The following WASF2 variants were observed in gnomAD, a reference collection of about 807,000 sequenced individuals.
WASF2 encodes the protein actin-binding protein WASF2.
WASF2 carries 14 observed loss-of-function variants against 45.0 expected under a neutral mutation model. The ratio of observed to expected loss-of-function variants is 0.31; its 90% CI spans 0.21 to 0.49. The LOEUF is 0.49. Ranked by LOEUF, WASF2 falls within the 20% of genes least tolerant of loss-of-function variation. The pLI, the probability that WASF2 is intolerant of heterozygous loss-of-function variation, is 0.99. For missense variants in WASF2, 439 were observed against 636.1 expected (o/e 0.69, Z 3.33); for synonymous variants, 200 against 236.3 (o/e 0.85, Z 1.41).
chr1:27,473,970 A>T (rs2017729709), intron 1 of WASF2, among the ~76,000 whole-genome samples: 1 of 152,144 alleles, frequency 6.6e-6, no homozygotes, highest in Non-Finnish European at 1.5e-5. Flanking sequence ...TTCATCAAAC[A>T]CGAACAATTC....
intron 1 of WASF2, among the ~76,000 whole-genome samples, chr1:27,436,048 C>T (rs968176373): frequency 1.3e-5 from 2 of 152,232 alleles, no homozygotes; most frequent in African/African-American, 2.4e-5. Context: ...TCTGCTTTCA[C>T]TTCAGCGTTT....
intron 1 of WASF2, among the ~76,000 whole-genome samples, chr1:27,459,982 T>C (rs181654634): frequency 3.9e-5 from 6 of 152,306 alleles, no homozygotes; most frequent in Admixed American, 2.6e-4. Context: ...TTACTGCAAA[T>C]AAGTATAACA....
intron 1 of WASF2, among the ~76,000 whole-genome samples, chr1:27,447,908 G>C (rs2148123198): frequency 6.6e-6 from 1 of 152,264 alleles, no homozygotes; most frequent in East Asian, 1.9e-4. Flanking sequence ...AATGCCTACT[G>C]ACCTAAAATT....
chr1:27,486,475 A>T (rs892699451), intron 1 of WASF2, among the ~76,000 whole-genome samples: 3 of 152,228 alleles, frequency 2.0e-5, no homozygotes, highest in Non-Finnish European at 4.4e-5. Context: ...GTGTCTTCAC[A>T]ACTATCACAT....
At chr1:27,477,651 G>A (rs1416264430) in intron 1 of WASF2, among the ~76,000 whole-genome samples, 1 of 104,542 alleles carries the variant, frequency 9.6e-6, no homozygotes, top group Non-Finnish European at 1.8e-5. Context: ...TGTAATCCCA[G>A]CACTTTGGGA....
In WASF2 at chr1:27,409,686, AT is replaced by A; in HGVS notation, c.1339+5del. The A allele has an allele frequency of 6.7e-7, 1 of 1,491,478 alleles. No homozygotes were observed. Among genetic ancestry groups the A allele is most frequent in the Non-Finnish European group, 8.9e-7 (1 of 1,119,890 alleles). 92.4% of individuals were successfully genotyped at this position (1,491,478 alleles called of 1,614,324 possible). ...CCACAGTCCCAAACCCACCATTGAA[AT>A]TTACCTTGACGGATGGCTGAAAGCA... On this transcript the variant is annotated splice_donor_5th_base_variant and intron_variant, in intron 8 of 8. Coordinates refer to ENST00000618852, the MANE Select transcript of WASF2 (RefSeq NM_006990.5).
chr1:27,426,992 C>T (rs913367449), intron 2 of WASF2, among the ~76,000 whole-genome samples: 6 of 152,150 alleles, frequency 3.9e-5, no homozygotes, highest in Admixed American at 3.3e-4. Flanking sequence ...CCCATTCTCT[C>T]CTCTTAGGAA....
In WASF2 at chr1:27,422,351, G is replaced by A. The variant is rs146516198; in HGVS notation, c.131-3263C>T. ...CCAGAAAATCTGGGCTGGGCGCAGT[G>A]GCTCATGCCTGTAATCCCAGCACTT... On this transcript the variant is annotated intron_variant, in intron 2 of 8. Transcript: ENST00000618852. Among the ~76,000 whole-genome samples, 505 of 152,240 alleles carry A rather than the reference G, an allele frequency of 3.3e-3. 2 individuals are homozygous for A. The highest frequency in any genetic ancestry group is 0.012 in the African/African-American group (491 of 41,528).
At chr1:27,433,211 C>T (rs1474288971) in intron 1 of WASF2, among the ~76,000 whole-genome samples, 1 of 152,150 alleles carries the variant, frequency 6.6e-6, no homozygotes, top group Non-Finnish European at 1.5e-5. Context: ...AGCTGTGATC[C>T]TGGACCTCCT....
Position 27,418,954 on chromosome 1 carries a change from C to A in WASF2, c.265G>T (p.Val89Leu), listed in dbSNP as rs866645579. 6.2e-7 allele frequency: 1 copy of A among 1,613,064 alleles called. No individual in the cohort carries two copies. Among genetic ancestry groups the A allele is most frequent in the Admixed American group, 1.7e-5 (1 of 59,900 alleles). Residue 89 changes from valine to leucine, a missense_variant and splice_region_variant, in exon 3 of 9, where the codon GTG becomes TTG. Coordinates refer to ENST00000618852, the MANE Select transcript of WASF2 (RefSeq NM_006990.5). Reference protein sequence around the residue: ...VTQLDPKEEEVSLQGINTRKA... With the variant: ...VTQLDPKEEELSLQGINTRKA... The stretch of plus-strand genomic sequence containing the variant: ...CAAATGCTGAGCTCAGCTTTCTTAC[C>A]TTCTTCTTCCTTGGGATCCAGCTGA...
At chr1:27,440,390 C>T (rs866859533) in intron 1 of WASF2, among the ~76,000 whole-genome samples, 5 of 152,056 alleles carry the variant, frequency 3.3e-5, no homozygotes, top group Admixed American at 6.6e-5. Flanking sequence ...AATGCAGTGG[C>T]GCACAGCTGT....
At chr1:27,479,522 A>C (rs1380292869) in intron 1 of WASF2, among the ~76,000 whole-genome samples, 1 of 152,230 alleles carries the variant, frequency 6.6e-6, no homozygotes, top group Non-Finnish European at 1.5e-5. Flanking sequence ...TAGTTGAATA[A>C]TTTTGAGGAA....
chr1:27,432,264 T>TA (rs2017075117), intron 1 of WASF2, among the ~76,000 whole-genome samples: 1 of 152,190 alleles, frequency 6.6e-6, no homozygotes, highest in African/African-American at 2.4e-5. Flanking sequence ...CCCTGACTAG[T>TA]ACACCTTACT....
chr1:27,417,880 T>G (rs1471116714), intron 4 of WASF2, among the ~76,000 whole-genome samples: 1 of 147,290 alleles, frequency 6.8e-6, no homozygotes, highest in African/African-American at 2.5e-5. Context: ...TCCAAGTAAG[T>G]GGGAGCCTTG....
At chr1:27,443,930 A>G (rs1455837732) in intron 1 of WASF2, among the ~76,000 whole-genome samples, 4 of 151,986 alleles carry the variant, frequency 2.6e-5, no homozygotes, top group African/African-American at 9.6e-5. Context: ...ACAGGCACCC[A>G]CCACCACACC....
intron 1 of WASF2, among the ~76,000 whole-genome samples, chr1:27,454,149 GTGTGTATATATATATA>G (rs1348588083): frequency 1.1e-3 from 92 of 83,636 alleles, no homozygotes; most frequent in Middle Eastern, 6.5e-3. Flanking sequence ...GTGTGTGTGT[GTGTGTATATATATATA>G]TATATATATA....
At chr1:27,489,079 C>G (rs1430126387) in intron 1 of WASF2, among the ~76,000 whole-genome samples, 1 of 152,030 alleles carries the variant, frequency 6.6e-6, no homozygotes, top group Non-Finnish European at 1.5e-5. Flanking sequence ...TTCCTCTTCT[C>G]CGGTTCTATG....
chr1:27,448,728 A>G (rs1402129409), intron 1 of WASF2, among the ~76,000 whole-genome samples: 3 of 151,572 alleles, frequency 2.0e-5, no homozygotes, highest in Non-Finnish European at 4.4e-5. Context: ...CATAGTCCCA[A>G]CTACTCAGAA....
At chr1:27,420,132 T>C (rs924014936) in intron 2 of WASF2, among the ~76,000 whole-genome samples, 9 of 152,124 alleles carry the variant, frequency 5.9e-5, no homozygotes, top group African/African-American at 2.2e-4. Flanking sequence ...CTCAAACTCC[T>C]GGCCTCAAGT....
Sources: allele counts gnomAD v4.1 joint callset (sites outside exome capture counted in the v4.1 genomes callset), GRCh38; gene constraint gnomAD v4.1.1; transcripts MANE v1.5; gene names NCBI Gene and HGNC (gene_info 2026-07-23, HGNC 2026-07-21).